Variants in RAB38 observed in about 807,000 individuals in gnomAD.
RAB38 encodes ras-related protein Rab-38.
RAB38 carries 15 observed loss-of-function variants against 18.4 expected under a neutral mutation model. The observed-to-expected ratio is 0.82, with a 90% CI of 0.55 to 1.26. The LOEUF is 1.26. RAB38 is among the 50% of genes most tolerant of loss of function. RAB38 has a pLI of 0.00. For missense variants in RAB38, 294 were observed against 267.4 expected (o/e 1.10, Z -0.69); for synonymous variants, 101 against 104.4 (o/e 0.97, Z 0.20).
chr11:87,974,789 AATG>A, the RAB38 span, among the ~76,000 whole-genome samples: 4 of 151,854 alleles, frequency 2.6e-5, no homozygotes, highest in African/African-American at 9.7e-5. Flanking sequence ...AATCAGAAAA[AATG>A]ATGATCAGAA....
intron 2 of RAB38, among the ~76,000 whole-genome samples, chr11:88,120,500 T>C (rs543108645): frequency 5.6e-4 from 85 of 152,296 alleles, no homozygotes; most frequent in African/African-American, 2.0e-3. Context: ...AGTGATGCCC[T>C]ATTGTATGAA....
At chr11:87,913,634 A>G in the RAB38 span, among the ~76,000 whole-genome samples, 1 of 152,134 alleles carries the variant, frequency 6.6e-6, no homozygotes. Flanking sequence ...AGTGGGAGAT[A>G]TGTGAGTCAT....
downstream of RAB38, among the ~76,000 whole-genome samples, chr11:88,108,609 G>A (rs545290281): frequency 1.3e-5 from 2 of 152,276 alleles, no homozygotes; most frequent in East Asian, 1.9e-4. Context: ...TTGCCAGTTT[G>A]TGACTTTTAA....
chr11:88,008,795 T>G, the RAB38 span, among the ~76,000 whole-genome samples: 2 of 152,220 alleles, frequency 1.3e-5, no homozygotes, highest in Admixed American at 6.5e-5. Context: ...AGCCTCAGCC[T>G]CCCAAGTAGC....
At chr11:87,967,485 C>T in the RAB38 span, among the ~76,000 whole-genome samples, 2 of 152,082 alleles carry the variant, frequency 1.3e-5, no homozygotes, top group Non-Finnish European at 2.9e-5. Context: ...AGTAAAAAAA[C>T]AAGACTATCC....
intron 1 of RAB38, among the ~76,000 whole-genome samples, chr11:88,152,494 C>T (rs1943074910): frequency 6.6e-6 from 1 of 152,096 alleles, no homozygotes; most frequent in South Asian, 2.1e-4. Flanking sequence ...AATAAGAAGA[C>T]AGCTTGTTTC....
the RAB38 span, among the ~76,000 whole-genome samples, chr11:87,896,930 C>T: frequency 6.6e-6 from 1 of 151,622 alleles, no homozygotes; most frequent in Non-Finnish European, 1.5e-5. Flanking sequence ...TTTCTTCAGG[C>T]ACTGGAGTGT....
At chr11:88,108,315 C>A (rs1329295385), downstream of RAB38, among the ~76,000 whole-genome samples, 1 of 152,126 alleles carries the variant, frequency 6.6e-6, no homozygotes, top group Non-Finnish European at 1.5e-5. Context: ...GTATTGGATG[C>A]ATATATATTT....
chr11:88,055,866 C>G, the RAB38 span, among the ~76,000 whole-genome samples: 31 of 152,312 alleles, frequency 2.0e-4, no homozygotes, highest in South Asian at 6.2e-3. Context: ...GAAAGAACTA[C>G]TGCAATGAGA....
At chr11:87,932,096 A>G in the RAB38 span, among the ~76,000 whole-genome samples, 1 of 151,958 alleles carries the variant, frequency 6.6e-6, no homozygotes, top group Non-Finnish European at 1.5e-5. Context: ...CCTACCAGCT[A>G]TAGCCAGGGA....
the RAB38 span, among the ~76,000 whole-genome samples, chr11:88,103,596 G>T: frequency 6.6e-6 from 1 of 152,098 alleles, no homozygotes; most frequent in African/African-American, 2.4e-5. Context: ...CGCTTTAAGT[G>T]AGAAGGAATC....
the RAB38 span, among the ~76,000 whole-genome samples, chr11:87,972,710 A>G: frequency 6.6e-6 from 1 of 152,004 alleles, no homozygotes; most frequent in East Asian, 1.9e-4. Flanking sequence ...AATATTTTTT[A>G]CCTATATATT....
chr11:87,929,883 AG>A, the RAB38 span, among the ~76,000 whole-genome samples: 1 of 152,058 alleles, frequency 6.6e-6, no homozygotes. Flanking sequence ...GTCCCTACAA[AG>A]GACATGAACT....
At chr11:87,947,739 G>C in the RAB38 span, among the ~76,000 whole-genome samples, 5 of 152,084 alleles carry the variant, frequency 3.3e-5, no homozygotes, top group African/African-American at 1.2e-4. Context: ...CTGTTCCATT[G>C]GTCTATATCT....
At chr11:88,147,551 T>C (rs1943004330) in intron 2 of RAB38, among the ~76,000 whole-genome samples, 1 of 148,408 alleles carries the variant, frequency 6.7e-6, no homozygotes, top group Non-Finnish European at 1.5e-5. Flanking sequence ...AATAAGTGAA[T>C]TTACCCACAT....
At chr11:88,065,640 G>A in the RAB38 span, among the ~76,000 whole-genome samples, 4 of 152,202 alleles carry the variant, frequency 2.6e-5, no homozygotes, top group South Asian at 2.1e-4. Context: ...GTATGTCCTC[G>A]GACAAATCAA....
the RAB38 span, among the ~76,000 whole-genome samples, chr11:87,864,360 T>G: frequency 6.6e-6 from 1 of 150,660 alleles, no homozygotes; most frequent in Non-Finnish European, 1.5e-5. Flanking sequence ...ATAATGTTGA[T>G]ACAATTCTCC....
chr11:88,148,867 T>C (rs1365096039), intron 2 of RAB38, among the ~76,000 whole-genome samples: 3 of 152,226 alleles, frequency 2.0e-5, no homozygotes, highest in African/African-American at 7.2e-5. Context: ...ATGGTTATTC[T>C]TTTAAAATTT....
chr11:88,031,529 T>A, the RAB38 span, among the ~76,000 whole-genome samples: 10,508 of 151,230 alleles, frequency 0.069, 586 homozygotes, highest in African/African-American at 0.13. Flanking sequence ...ACTTCAGCAA[T>A]GTCTCAGGAT....
Sources: allele counts gnomAD v4.1 joint callset (sites outside exome capture counted in the v4.1 genomes callset), GRCh38; gene constraint gnomAD v4.1.1; transcripts MANE v1.5; gene names NCBI Gene and HGNC (gene_info 2026-07-23, HGNC 2026-07-21).